CSMD1: variants seen among roughly 807,000 people sequenced by gnomAD.
CSMD1 encodes the protein CUB and sushi domain-containing protein 1.
CSMD1 carries 213 observed loss-of-function variants against 417.5 expected under a neutral mutation model. That is an observed-to-expected ratio of 0.51 (90% confidence interval 0.46 to 0.57). The LOEUF is 0.57. Among genes scored for constraint, CSMD1 ranks in the 20% least tolerant of loss-of-function variants. The pLI, the probability that CSMD1 is intolerant of heterozygous loss-of-function variation, is 0.00. For missense variants in CSMD1, 6,923 were observed against 4,529.7 expected, an observed-to-expected ratio of 1.53 and a Z score of -15.17; for synonymous variants, 2,862 against 1,736.8, an observed-to-expected ratio of 1.65 and a Z score of -16.11.
intron 5 of CSMD1, among the ~76,000 whole-genome samples, chr8:3,859,901 T>C (rs1270954960): frequency 6.6e-6 from 1 of 152,182 alleles, no homozygotes; most frequent in Non-Finnish European, 1.5e-5. Context: ...CATATATTCT[T>C]CTTCTGTAAT....
chr8:4,415,405 C>A (rs971078427), intron 3 of CSMD1, among the ~76,000 whole-genome samples: 17 of 152,192 alleles, frequency 1.1e-4, no homozygotes, highest in African/African-American at 4.1e-4. Context: ...CCGGGTTTGA[C>A]ACAAAGTAGG....
chr8:3,524,146 T>A (rs1051682972), intron 10 of CSMD1, among the ~76,000 whole-genome samples: 1 of 144,128 alleles, frequency 6.9e-6, no homozygotes, highest in Non-Finnish European at 1.5e-5. Context: ...CACACGCACA[T>A]ATGCATGCAC....
At chr8:3,284,584 A>C in intron 25 of CSMD1, 2 of 517,570 alleles carry the variant, frequency 3.9e-6, no homozygotes, top group Non-Finnish European at 7.0e-6. Flanking sequence ...GAGATAGGTG[A>C]GCTAGATGCT....
At chr8:4,659,773 A>T (rs1212491772) in intron 1 of CSMD1, among the ~76,000 whole-genome samples, 2 of 152,186 alleles carry the variant, frequency 1.3e-5, no homozygotes, top group Admixed American at 1.3e-4. Context: ...GTTCCTGAGA[A>T]TGCTTAATTT....
At chr8:4,321,924 A>T (rs1004328156) in intron 3 of CSMD1, among the ~76,000 whole-genome samples, 18 of 152,164 alleles carry the variant, frequency 1.2e-4, no homozygotes, top group African/African-American at 4.3e-4. Context: ...ATTACAGTAT[A>T]TTTTTATTTC....
chr8:4,597,836 C>T lies in CSMD1; in HGVS notation c.302+39506G>A, dbSNP rs73186976. 7.5e-3 allele frequency among the ~76,000 whole-genome samples: 1,134 copies of T among 152,178 alleles called. 8 individuals carry two copies. The highest frequency in any genetic ancestry group is 0.014 in the Middle Eastern group (4 of 294). ...CTAGAAAGATGAGCCTGCTTGTCCC[C>T]CAAACTCACAGAAGCTTCTGATGCA... On this transcript the variant is annotated intron_variant, in intron 2 of 69. Transcript: ENST00000635120.
At chr8:3,237,176 C>A (rs1293917910) in intron 26 of CSMD1, among the ~76,000 whole-genome samples, 1 of 151,720 alleles carries the variant, frequency 6.6e-6, no homozygotes, top group Non-Finnish European at 1.5e-5. Flanking sequence ...TATAGTCTCA[C>A]AACTTTGCAG....
intron 5 of CSMD1, among the ~76,000 whole-genome samples, chr8:3,974,659 A>C (rs1199939741): frequency 6.9e-6 from 1 of 145,914 alleles, no homozygotes; most frequent in Non-Finnish European, 1.5e-5. Flanking sequence ...ACTGCTTTAA[A>C]AACAGCGTGC....
intron 3 of CSMD1, among the ~76,000 whole-genome samples, chr8:4,278,290 G>A (rs1389026553): frequency 6.6e-6 from 1 of 152,086 alleles, no homozygotes; most frequent in Admixed American, 6.6e-5. Context: ...AAAGTTCAAG[G>A]AGGTTAAAAA....
chr8:3,952,112 A>C (rs995374912), intron 5 of CSMD1, among the ~76,000 whole-genome samples: 8 of 152,178 alleles, frequency 5.3e-5, no homozygotes, highest in African/African-American at 1.9e-4. Context: ...GACAGAAAGA[A>C]CAAATTATTT....
chr8:2,972,820 A>T (rs1804573198), intron 57 of CSMD1, among the ~76,000 whole-genome samples: 4 of 152,166 alleles, frequency 2.6e-5, no homozygotes, highest in Admixed American at 2.6e-4. Flanking sequence ...CACTGCCAGG[A>T]TCTAGAAAAC....
intron 3 of CSMD1, among the ~76,000 whole-genome samples, chr8:4,191,706 A>T (rs796214962): frequency 3.3e-5 from 5 of 149,418 alleles, no homozygotes; most frequent in African/African-American, 1.2e-4. Flanking sequence ...TACCAAATAT[A>T]TATACTCTCC....
intron 1 of CSMD1, among the ~76,000 whole-genome samples, chr8:4,701,171 G>C (rs377063502): frequency 6.6e-6 from 1 of 152,164 alleles, no homozygotes; most frequent in South Asian, 2.1e-4. Flanking sequence ...CCACAGCTAG[G>C]GGAGAGTCCG....
intron 47 of CSMD1, among the ~76,000 whole-genome samples, chr8:3,095,500 T>C (rs1239757559): frequency 6.6e-6 from 1 of 152,192 alleles, no homozygotes; most frequent in Non-Finnish European, 1.5e-5. Flanking sequence ...AGTCCTCTGC[T>C]TCTATATACA....
At chr8:3,235,511 C>A (rs142452306) in intron 26 of CSMD1, among the ~76,000 whole-genome samples, 1 of 152,152 alleles carries the variant, frequency 6.6e-6, no homozygotes, top group Non-Finnish European at 1.5e-5. Flanking sequence ...CCAGTTTCCC[C>A]TTAGACATTC....
At chr8:4,319,004 C>T (rs1350275049) in intron 3 of CSMD1, among the ~76,000 whole-genome samples, 1 of 152,124 alleles carries the variant, frequency 6.6e-6, no homozygotes, top group Non-Finnish European at 1.5e-5. Flanking sequence ...AGCTTGAGGC[C>T]TTAAGTCTAA....
chr8:3,116,293 C>T (rs550220014), intron 42 of CSMD1, among the ~76,000 whole-genome samples: 3 of 151,938 alleles, frequency 2.0e-5, no homozygotes, highest in East Asian at 1.9e-4. Context: ...ATTAGGTTTA[C>T]GAGTACTGGT....
At chr8:4,847,634 A>T (rs570405681) in intron 1 of CSMD1, among the ~76,000 whole-genome samples, 1 of 152,080 alleles carries the variant, frequency 6.6e-6, no homozygotes, top group African/African-American at 2.4e-5. Flanking sequence ...CCCACCGAGG[A>T]CCCTGTATAA....
chr8:3,318,908 G>T (rs1805963280), intron 23 of CSMD1, among the ~76,000 whole-genome samples: 1 of 152,110 alleles, frequency 6.6e-6, no homozygotes, highest in South Asian at 2.1e-4. Flanking sequence ...ATGCTTGATG[G>T]CAGGTGCTGC....
Sources: allele counts gnomAD v4.1 joint callset (sites outside exome capture counted in the v4.1 genomes callset), GRCh38; gene constraint gnomAD v4.1.1; transcripts MANE v1.5; gene names NCBI Gene and HGNC (gene_info 2026-07-23, HGNC 2026-07-21).